XRCC1: variants seen among roughly 807,000 people sequenced by gnomAD.
The protein encoded by XRCC1 is X-ray repair cross complementing 1.
In XRCC1, 52 loss-of-function variants were observed where a neutral mutation model predicts 83.3. The ratio of observed to expected loss-of-function variants is 0.62; its 90% CI spans 0.50 to 0.79. The LOEUF is 0.79. Among genes scored for constraint, XRCC1 ranks in the 30% least tolerant of loss-of-function variants. The pLI, the probability that XRCC1 is intolerant of heterozygous loss-of-function variation, is 0.00. For synonymous variants in XRCC1, 281 were observed against 312.6 expected (o/e 0.90, Z 1.07); for missense variants, 793 against 823.5 (o/e 0.96, Z 0.45).
chr19:43,547,738 GA>G (rs1451141290), intron 10 of XRCC1, among the ~76,000 whole-genome samples: 1 of 152,042 alleles, frequency 6.6e-6, no homozygotes, highest in Admixed American at 6.6e-5. Flanking sequence ...GACCTCGAGT[GA>G]TCCACCCACC....
Position 43,552,790 on chromosome 19 carries a change from A to T in XRCC1, c.823+7T>A. ...CCCTGTGGAAACAAGGGATCTAGTT[A>T]GCTCACATTTAGGTCTCTTGGGAAC... On this transcript the variant is annotated splice_region_variant and intron_variant, in intron 8 of 16. Transcript: ENST00000262887. The T allele has an allele frequency of 1.3e-6, 2 of 1,596,610 alleles. No individual in the cohort carries two copies. The highest frequency in any genetic ancestry group is 2.3e-5 in the South Asian group (2 of 88,360).
chr19:43,556,662 A>C (rs2854500), intron 3 of XRCC1, among the ~76,000 whole-genome samples: 1 of 151,854 alleles, frequency 6.6e-6, no homozygotes, highest in East Asian at 1.9e-4. Context: ...AATTTAAGCC[A>C]GGCATGGTGG....
In XRCC1 at chr19:43,562,166, C is replaced by A. The variant is rs903134996; in HGVS notation, c.145-1146G>T. 1.4e-4 allele frequency among the ~76,000 whole-genome samples: 20 copies of A among 142,982 alleles called. No homozygotes were observed. The East Asian group carries it at 1.8e-3, about 13-fold the overall frequency. 93.8% of individuals were successfully genotyped at this position (142,982 alleles called of 152,430 possible). On this transcript the variant is annotated intron_variant, in intron 2 of 16. Coordinates refer to ENST00000262887, the MANE Select transcript of XRCC1 (RefSeq NM_006297.3). ...GTCACAAAAAAAAAAAAAAAAAAAA[C>A]CAAGGTACCTAGTCCACCCTACACT...
chr19:43,574,946 G>C lies in XRCC1; in HGVS notation c.108C>G (p.Ala36=). The C allele has an allele frequency of 6.2e-7, 1 of 1,614,150 alleles. No individual in the cohort carries two copies. Among genetic ancestry groups the C allele is most frequent in the Non-Finnish European group, 8.5e-7 (1 of 1,180,012 alleles). ...CAGAGATGGTCTTCTCGCCTGCCTT[G>C]GCTGCCCGCCATTTTCGGTAAGTGT... ...KADTYRKWRA[A]KAGEKTISVV... The change falls in exon 2 of 17, where the codon GCC becomes GCG. Residue 36 remains alanine (A), a synonymous_variant. Transcript: ENST00000262887.
At chr19:43,548,552 G>C (rs1972541883) in intron 10 of XRCC1, among the ~76,000 whole-genome samples, 1 of 152,142 alleles carries the variant, frequency 6.6e-6, no homozygotes, top group South Asian at 2.1e-4. Flanking sequence ...GATGTGCTTT[G>C]TTAAACAGAT....
rs1439850600 is a variant in XRCC1 at position 43,574,962 on chromosome 19, C to T, written c.92G>A (p.Arg31Gln). The T allele has an allele frequency of 1.2e-6, 2 of 1,614,024 alleles. No individual in the cohort carries two copies. The highest frequency in any genetic ancestry group is 1.3e-5 in the African/African-American group (1 of 74,906). ...GCCTGCCTTGGCTGCCCGCCATTTT[C>T]GGTAAGTGTCTGCCTTGAGAAGATT... ...AENLLKADTY[R>Q]KWRAAKAGEK... is the part of the protein sequence containing the mutation. The change falls in exon 2 of 17, where the codon CGA becomes CAA. Residue 31 changes from arginine (R) to glutamine (Q), a missense_variant. Transcript: ENST00000262887.
chr19:43,554,623 A>C, intron 4 of XRCC1, 23 bp downstream of exon 4: 2 of 1,596,994 alleles, frequency 1.3e-6, no homozygotes, highest in Non-Finnish European at 1.7e-6. Context: ...AGGACTCTGC[A>C]CCCTGGCTCC....
intron 10 of XRCC1, among the ~76,000 whole-genome samples, chr19:43,548,089 G>A (rs1168962641): frequency 1.4e-5 from 2 of 141,028 alleles, no homozygotes; most frequent in East Asian, 2.1e-4. Flanking sequence ...GGGGCCAGCC[G>A]CCCCATCCGG....
intron 10 of XRCC1, among the ~76,000 whole-genome samples, chr19:43,547,856 A>C (rs1852808811): frequency 2.6e-5 from 4 of 152,170 alleles, no homozygotes; most frequent in Admixed American, 2.6e-4. Flanking sequence ...AAAAATCAGA[A>C]CTTTCTCCTT....
rs766315993 is a variant in XRCC1 at position 43,544,166 on chromosome 19, G to A, written c.1690C>T (p.Arg564Ter). Residue 564 changes from arginine (R) to a stop codon, truncating the protein, a stop_gained, in exon 15 of 17, where the codon CGA (arginine) becomes TGA (stop). Coordinates refer to ENST00000262887, the MANE Select transcript of XRCC1 (RefSeq NM_006297.3). LOFTEE classifies it high-confidence loss of function. Reference protein sequence around the residue: ...FPGDERRKLIRYVTAFNGELE... With the variant: ...FPGDERRKLI ...CACCCATTGAAGGCTGTGACGTATC[G>A]GATGAGTTTCCGCCGCTCGTCCCCA... 1.6e-5 allele frequency: 25 copies of A among 1,609,622 alleles called. No homozygotes were observed. The highest frequency in any genetic ancestry group is 6.7e-5 in the South Asian group (6 of 90,010).
chr19:43,558,419 TG>T (rs1425138339), intron 3 of XRCC1, among the ~76,000 whole-genome samples: 1 of 152,120 alleles, frequency 6.6e-6, no homozygotes, highest in African/African-American at 2.4e-5. Flanking sequence ...GTGGATCACC[TG>T]ACCTCAGGAG....
chr19:43,559,947 G>A (rs1226764521), intron 3 of XRCC1, among the ~76,000 whole-genome samples: 2 of 152,020 alleles, frequency 1.3e-5, no homozygotes, highest in Non-Finnish European at 2.9e-5. Context: ...CAGGAGTGGT[G>A]GTGTGCACCT....
chr19:43,575,439 C>A lies in XRCC1; in HGVS notation c.20G>T (p.Arg7Leu), dbSNP rs2307186. MPEIRL[R>L]HVVSCSSQDS... ...CTGGCTGCTGCAGGACACGACATGG[C>A]GGAGGCGGATCTCCGGCATGTCAAC... The change falls in exon 1 of 17, where the codon CGC becomes CTC. Residue 7 changes from arginine to leucine, a missense_variant. Transcript: ENST00000262887. The A allele has an allele frequency of 2.2e-3, 3,514 of 1,612,064 alleles. 3 individuals carry two copies. Among genetic ancestry groups the A allele is most frequent in the Non-Finnish European group, 2.8e-3 (3,320 of 1,178,586 alleles).
intron 2 of XRCC1, among the ~76,000 whole-genome samples, chr19:43,563,020 G>A (rs1471045567): frequency 1.3e-5 from 2 of 152,248 alleles, no homozygotes; most frequent in East Asian, 1.9e-4. Context: ...GCTGGCAACA[G>A]TCCACGCGTG....
chr19:43,553,815 C>A, intron 4 of XRCC1, 132 bp from the exon 5 acceptor site: 1 of 691,584 alleles, frequency 1.4e-6, no homozygotes. Context: ...AGGAGGGGCC[C>A]TGGCGATGGT....
At chr19:43,560,074 C>G (rs1972681079) in intron 3 of XRCC1, among the ~76,000 whole-genome samples, 1 of 151,376 alleles carries the variant, frequency 6.6e-6, no homozygotes, top group South Asian at 2.1e-4. Flanking sequence ...GAAATGAAAC[C>G]CTGTCTCAAA....
rs200053544 is a variant in XRCC1, at chr19:43,543,681, G to A, written c.1719C>T (p.Leu573=). The part of the protein sequence containing the change: ...IRYVTAFNGE[L]EDYMSDRVQF... ...GAACCCGGTCACTCATATAGTCCTC[G>A]AGCTCCCTGGCGGGAGAGAAGAAAA... Residue 573 remains leucine, a synonymous_variant, in exon 16 of 17, where the codon CTC becomes CTT. Coordinates refer to ENST00000262887, the MANE Select transcript of XRCC1 (RefSeq NM_006297.3). 33 of 1,613,888 alleles carry A rather than the reference G, an allele frequency of 2.0e-5. No homozygotes were observed. Among genetic ancestry groups the A allele is most frequent in the Non-Finnish European group, 2.4e-5 (28 of 1,179,966 alleles).
At chr19:43,562,470 G>A (rs1465785626) in intron 2 of XRCC1, among the ~76,000 whole-genome samples, 2 of 152,222 alleles carry the variant, frequency 1.3e-5, no homozygotes, top group South Asian at 2.1e-4. Flanking sequence ...TTGGCCAGGC[G>A]CAGTGGCTCA....
intron 4 of XRCC1, among the ~76,000 whole-genome samples, chr19:43,554,074 C>A (rs958088026): frequency 1.3e-5 from 2 of 152,180 alleles, no homozygotes; most frequent in African/African-American, 2.4e-5. Flanking sequence ...TAGGAGAAGT[C>A]TGGGTCCCTG....
Sources: allele counts gnomAD v4.1 joint callset (sites outside exome capture counted in the v4.1 genomes callset), GRCh38; gene constraint gnomAD v4.1.1; transcripts MANE v1.5; gene names NCBI Gene and HGNC (gene_info 2026-07-23, HGNC 2026-07-21).